HS3ST5: variants seen among roughly 807,000 people sequenced by gnomAD.
HS3ST5 encodes heparan sulfate-glucosamine 3-sulfotransferase 5.
In HS3ST5, 10 loss-of-function variants were observed where a neutral mutation model predicts 25.4. The ratio of observed to expected loss-of-function variants is 0.39; its 90% CI spans 0.24 to 0.67. The LOEUF (loss-of-function observed/expected upper bound fraction) is 0.67, where lower values mean the gene tolerates loss of function less well. Ranked by LOEUF, HS3ST5 falls within the 30% of genes least tolerant of loss-of-function variation. The probability of loss-of-function intolerance (pLI) is 0.44; values close to 1 mark genes in which losing one functional copy is unlikely to be tolerated. For missense variants in HS3ST5, 324 were observed against 420.7 expected (o/e 0.77, Z 2.01); for synonymous variants, 170 against 162.4 (o/e 1.05, Z -0.36).
chr6:114,081,684 C>G (rs1774457347), intron 3 of HS3ST5, among the ~76,000 whole-genome samples: 3 of 152,174 alleles, frequency 2.0e-5, no homozygotes, highest in Non-Finnish European at 1.5e-5. Context: ...GTTCCAATAT[C>G]TCCTCCACAC....
intron 1 of HS3ST5, among the ~76,000 whole-genome samples, chr6:114,311,701 C>A (rs1239646525): frequency 6.6e-6 from 1 of 151,870 alleles, no homozygotes; most frequent in Non-Finnish European, 1.5e-5. Flanking sequence ...CAACACCACA[C>A]CCGGCCAATT....
chr6:114,126,207 ATG>A (rs1777030914), intron 3 of HS3ST5, among the ~76,000 whole-genome samples: 1 of 152,202 alleles, frequency 6.6e-6, no homozygotes, highest in Non-Finnish European at 1.5e-5. Flanking sequence ...GTAGAGGGAG[ATG>A]TTTTTAAAAA....
At chr6:114,180,757 C>T (rs1393925301) in intron 2 of HS3ST5, among the ~76,000 whole-genome samples, 1 of 152,180 alleles carries the variant, frequency 6.6e-6, no homozygotes, top group East Asian at 1.9e-4. Flanking sequence ...ACCACATCCT[C>T]ATGACTTCAT....
intron 1 of HS3ST5, among the ~76,000 whole-genome samples, chr6:114,322,526 T>C (rs1423285910): frequency 6.6e-6 from 1 of 152,068 alleles, no homozygotes; most frequent in Non-Finnish European, 1.5e-5. Flanking sequence ...ATATTCTAAA[T>C]TAAAAAAGGT....
intron 1 of HS3ST5, among the ~76,000 whole-genome samples, chr6:114,273,798 G>A (rs1773731555): frequency 6.6e-6 from 1 of 151,972 alleles, no homozygotes; most frequent in South Asian, 2.1e-4. Context: ...GGGAGTTGTG[G>A]GGTGAAAGCC....
intron 2 of HS3ST5, among the ~76,000 whole-genome samples, chr6:114,219,374 AGAG>A (rs554864753): frequency 1.2e-4 from 19 of 152,350 alleles, no homozygotes; most frequent in Admixed American, 1.2e-3. Context: ...CTTGTTGATC[AGAG>A]GACAATTCAA....
rs533524233 is a variant in HS3ST5 at position 114,184,606 on chromosome 6, G to A, written c.-144-16144C>T. ...TCAAGGGAAGAATGAGGCCAAAAGC[G>A]ATTTAGAAATTATCAGGGCTGCTTC... On this transcript the variant is annotated intron_variant, in intron 2 of 4. Transcript: ENST00000312719. Among the ~76,000 whole-genome samples, 140 of 152,320 alleles carry A rather than the reference G, an allele frequency of 9.2e-4. 1 individual carries two copies. The highest frequency in any genetic ancestry group is 3.2e-3 in the African/African-American group (134 of 41,572).
intron 3 of HS3ST5, among the ~76,000 whole-genome samples, chr6:114,064,878 G>A (rs545817964): frequency 2.6e-5 from 4 of 152,290 alleles, no homozygotes; most frequent in African/African-American, 7.2e-5. Context: ...AGGCATGAGC[G>A]AGCAGAGGAA....
At chr6:114,196,877 G>GAAAA (rs11421025) in intron 2 of HS3ST5, among the ~76,000 whole-genome samples, 1 of 150,914 alleles carries the variant, frequency 6.6e-6, no homozygotes, top group Non-Finnish European at 1.5e-5. Flanking sequence ...TTTGTAAATG[G>GAAAA]AAAAAAAAAT....
chr6:114,314,451 A>T (rs1775667794), intron 1 of HS3ST5, among the ~76,000 whole-genome samples: 1 of 152,218 alleles, frequency 6.6e-6, no homozygotes. Flanking sequence ...CAAATGTTGA[A>T]GTTGAAATCC....
At chr6:114,126,651 T>TA (rs1004183592) in intron 3 of HS3ST5, among the ~76,000 whole-genome samples, 4 of 152,228 alleles carry the variant, frequency 2.6e-5, no homozygotes, top group Non-Finnish European at 5.9e-5. Context: ...TTTATTGCTA[T>TA]AAACTGATTC....
intron 3 of HS3ST5, among the ~76,000 whole-genome samples, chr6:114,151,858 A>C (rs1343300299): frequency 1.3e-5 from 2 of 152,226 alleles, no homozygotes; most frequent in East Asian, 3.8e-4. Flanking sequence ...CAATACATTC[A>C]GCTATGCTCT....
chr6:114,242,187 G>A (rs1045636646), intron 1 of HS3ST5, among the ~76,000 whole-genome samples: 5 of 152,032 alleles, frequency 3.3e-5, no homozygotes, highest in Non-Finnish European at 5.9e-5. Flanking sequence ...GGACAGTAGG[G>A]AAAAATAATG....
rs146392759 is a variant in HS3ST5 at position 114,208,577 on chromosome 6, C to T, written c.-145+20008G>A. ...ACTGAAGAGAGGATCATTGCAGGGG[C>T]GAGTGTGCAACCCACCAGGAGACCC... On this transcript the variant is annotated intron_variant, in intron 2 of 4. Transcript: ENST00000312719. Among the ~76,000 whole-genome samples, 6 of 152,264 alleles carry T rather than the reference C, an allele frequency of 3.9e-5. No individual in the cohort carries two copies. The East Asian group carries it at 7.7e-4, about 20-fold the overall frequency.
chr6:114,187,017 G>C (rs1780249228), intron 2 of HS3ST5, among the ~76,000 whole-genome samples: 1 of 152,186 alleles, frequency 6.6e-6, no homozygotes, highest in Non-Finnish European at 1.5e-5. Context: ...TAAGACCACT[G>C]TTGAGATTTA....
intron 1 of HS3ST5, among the ~76,000 whole-genome samples, chr6:114,281,536 C>T (rs1444955300): frequency 6.6e-6 from 1 of 151,966 alleles, no homozygotes; most frequent in African/African-American, 2.4e-5. Context: ...CCTGTGGCCA[C>T]ATGGAAAACA....
chr6:114,064,084 T>C (rs1195667244), intron 3 of HS3ST5, among the ~76,000 whole-genome samples: 1 of 90,370 alleles, frequency 1.1e-5, no homozygotes, highest in Non-Finnish European at 2.6e-5. Flanking sequence ...CAAGATAAGA[T>C]TGTTTGCCTC....
At chr6:114,109,243 G>A (rs1164662341) in intron 3 of HS3ST5, among the ~76,000 whole-genome samples, 2 of 150,354 alleles carry the variant, frequency 1.3e-5, no homozygotes, top group Non-Finnish European at 3.0e-5. Flanking sequence ...AGGTTTAAGC[G>A]GAAGGTGTTT....
chr6:114,076,297 A>C, intron 3 of HS3ST5, among the ~76,000 whole-genome samples: 1 of 152,204 alleles, frequency 6.6e-6, no homozygotes, highest in African/African-American at 2.4e-5. Flanking sequence ...AGAAGGGATG[A>C]GTTCAGCAAT....
Sources: gnomAD v4.1 joint callset for allele counts (sites outside exome capture counted in the v4.1 genomes callset) on GRCh38, gnomAD v4.1.1 for gene constraint, MANE v1.5 for transcripts, NCBI Gene and HGNC (gene_info 2026-07-23, HGNC 2026-07-21) for gene names.